The following CDC42BPA variants were observed in gnomAD, a reference collection of about 807,000 sequenced individuals.
The protein encoded by CDC42BPA is CDC42 binding protein kinase alpha, also known as serine/threonine-protein kinase MRCK alpha.
In CDC42BPA, 80 loss-of-function variants were observed where a neutral mutation model predicts 223.5. The observed-to-expected ratio is 0.36, with a 90% CI of 0.30 to 0.43. The LOEUF is 0.43. CDC42BPA is among the 20% of genes least tolerant of loss of function. The pLI, the probability that CDC42BPA is intolerant of heterozygous loss-of-function variation, is 1.00. For missense variants in CDC42BPA, 1,743 were observed against 2,099.9 expected (o/e 0.83, Z 3.32); for synonymous variants, 694 against 718.6 (o/e 0.97, Z 0.55).
intron 11 of CDC42BPA, among the ~76,000 whole-genome samples, chr1:227,127,960 C>T (rs1179997356): frequency 2.0e-5 from 3 of 152,132 alleles, no homozygotes; most frequent in Non-Finnish European, 4.4e-5. Context: ...GCTCTCTCTC[C>T]CTATCCCTCT....
chr1:227,203,290 T>C (rs984328772), intron 3 of CDC42BPA, among the ~76,000 whole-genome samples: 3 of 152,164 alleles, frequency 2.0e-5, no homozygotes, highest in Non-Finnish European at 4.4e-5. Flanking sequence ...CTCAGTTGCT[T>C]GTCACAATTG....
intron 1 of CDC42BPA, among the ~76,000 whole-genome samples, chr1:227,316,546 C>T (rs1694427168): frequency 6.6e-6 from 1 of 152,202 alleles, no homozygotes; most frequent in Admixed American, 6.5e-5. Context: ...CCACTGATCA[C>T]CACCTTCAGC....
chr1:227,089,627 GTT>G (rs72110440), intron 16 of CDC42BPA, among the ~76,000 whole-genome samples: 21,718 of 116,378 alleles, frequency 0.19, 1,805 homozygotes, highest in Middle Eastern at 0.28. Context: ...GGGTAATTCC[GTT>G]TTTTTTTTTT....
chr1:227,293,055 T>C (rs1020146114), intron 1 of CDC42BPA, among the ~76,000 whole-genome samples: 1 of 152,198 alleles, frequency 6.6e-6, no homozygotes, highest in Non-Finnish European at 1.5e-5. Context: ...GAGATTTAAC[T>C]GTATCAAAAC....
intron 1 of CDC42BPA, among the ~76,000 whole-genome samples, chr1:227,264,272 T>C (rs932031904): frequency 1.3e-5 from 2 of 152,196 alleles, no homozygotes; most frequent in African/African-American, 4.8e-5. Flanking sequence ...TAGAAAGCAA[T>C]TCCAAACATA....
At chr1:227,295,465 T>TAA (rs74308426) in intron 1 of CDC42BPA, among the ~76,000 whole-genome samples, 6 of 151,680 alleles carry the variant, frequency 4.0e-5, no homozygotes, top group Non-Finnish European at 5.9e-5. Flanking sequence ...AGCATGAAAT[T>TAA]AAAAAAAATT....
At chr1:227,125,620 AAAG>A (rs1294406025) in intron 11 of CDC42BPA, among the ~76,000 whole-genome samples, 2 of 151,090 alleles carry the variant, frequency 1.3e-5, no homozygotes, top group Non-Finnish European at 3.0e-5. Flanking sequence ...AAAAAAAAAA[AAAG>A]AGTGATGTCA....
chr1:227,030,942 A>C (rs1218839727), intron 28 of CDC42BPA, among the ~76,000 whole-genome samples: 2 of 152,156 alleles, frequency 1.3e-5, no homozygotes, highest in Non-Finnish European at 2.9e-5. Context: ...ATTCCATCTT[A>C]TTTAAACTTC....
chr1:227,050,935 T>G (rs929834280), intron 22 of CDC42BPA, among the ~76,000 whole-genome samples: 2 of 152,214 alleles, frequency 1.3e-5, no homozygotes, highest in Non-Finnish European at 2.9e-5. Flanking sequence ...CTGTGGGTGA[T>G]ATTTACATGG....
At chr1:227,131,634 G>T (rs1055744921) in intron 10 of CDC42BPA, among the ~76,000 whole-genome samples, 13 of 152,166 alleles carry the variant, frequency 8.5e-5, no homozygotes, top group African/African-American at 3.1e-4. Flanking sequence ...GATGATATAT[G>T]AAGAACTGAA....
chr1:226,994,363 T>C lies in CDC42BPA; in HGVS notation c.5170A>G (p.Ser1724Gly). 1 of 1,589,258 alleles carries C rather than the reference T, an allele frequency of 6.3e-7. No individual in the cohort carries two copies. Among genetic ancestry groups the C allele is most frequent in the Non-Finnish European group, 8.6e-7 (1 of 1,166,176 alleles). Residue 1724 changes from serine (S) to glycine (G), a missense_variant, in exon 37 of 37, where the codon AGT becomes GGT. Around this residue, in one of 6 missense-constraint regions of CDC42BPA, gnomAD observed 200 missense variants for 192.8 expected, o/e 1.04. Transcript: ENST00000366766. The surrounding 1 kb of genome is among the most constrained non-coding windows in gnomAD (Gnocchi z 4.0). ...CTTGGGGGGCTGCTTAGGTTGGAAC[T>C]GTTGGAAGCTGTGGAATGCCTCGGA... ...DSPRHSTASN[S>G]SNLSSPPSPA...
intron 20 of CDC42BPA, among the ~76,000 whole-genome samples, chr1:227,071,931 G>GA (rs746812127): frequency 2.6e-5 from 4 of 151,154 alleles, no homozygotes; most frequent in South Asian, 2.1e-4. Flanking sequence ...CCACTGCACT[G>GA]AAAAAAAACG....
chr1:227,278,963 A>G (rs532385279), intron 1 of CDC42BPA, among the ~76,000 whole-genome samples: 11 of 152,040 alleles, frequency 7.2e-5, no homozygotes, highest in Admixed American at 7.2e-4. Context: ...CTTAAAACCA[A>G]TAACATCACC....
chr1:227,301,362 A>ATTT lies in CDC42BPA; in HGVS notation c.178+15640_178+15642dup, dbSNP rs368829941. Reference sequence around the variant, plus strand: ...TGAAGTAGGAGTAAAGGATGTAGACATTTTTTTTTTTTTTTTGAGACGAAG... The same window carrying ATTT: ...TGAAGTAGGAGTAAAGGATGTAGACATTTTTTTTTTTTTTTTTTTGAGACGAAG... On this transcript the variant is annotated intron_variant, in intron 1 of 36. Transcript: ENST00000366766. Among the ~76,000 whole-genome samples, 726 of 109,986 alleles carry ATTT rather than the reference A, an allele frequency of 6.6e-3. 4 individuals are homozygous for ATTT. Among genetic ancestry groups the ATTT allele is most frequent in the African/African-American group, 0.013 (443 of 33,362 alleles). The allele number at this position is 109,986 out of a possible 152,430, so 72.2% of individuals were successfully genotyped here.
intron 16 of CDC42BPA, among the ~76,000 whole-genome samples, chr1:227,082,272 C>T (rs1159848281): frequency 6.6e-6 from 1 of 152,032 alleles, no homozygotes; most frequent in Non-Finnish European, 1.5e-5. Context: ...TCTCAAGATT[C>T]CTGGGCTCAA....
At chr1:227,078,985 C>A (rs1429066126) in intron 17 of CDC42BPA, among the ~76,000 whole-genome samples, 1 of 151,952 alleles carries the variant, frequency 6.6e-6, no homozygotes, top group Non-Finnish European at 1.5e-5. Flanking sequence ...ACTTCCGGTC[C>A]CAAGCATTTT....
At chr1:227,121,015 A>G (rs755381966) in intron 11 of CDC42BPA, among the ~76,000 whole-genome samples, 15 of 152,194 alleles carry the variant, frequency 9.9e-5, no homozygotes, top group Non-Finnish European at 2.1e-4. Flanking sequence ...ATCTAATGCC[A>G]CCGCTGATCT....
chr1:227,105,903 C>G lies in CDC42BPA; in HGVS notation c.2002-4664G>C, dbSNP rs80135161. ...TACTGCAATAATACTTCAATAAACA[C>G]TTGTGTAAAGCATCTATTAGAGTTC... On this transcript the variant is annotated intron_variant, in intron 14 of 36. Transcript: ENST00000366766. 2.2e-3 allele frequency among the ~76,000 whole-genome samples: 330 copies of G among 152,218 alleles called. 9 individuals are homozygous for G. In the East Asian group the frequency reaches 0.045, roughly 21 times the overall value.
rs1309878874 is a variant in CDC42BPA at position 227,130,957 on chromosome 1, G to C, written c.1391-1726C>G. 3.3e-5 allele frequency among the ~76,000 whole-genome samples: 5 copies of C among 152,124 alleles called. 1 individual carries two copies. Among genetic ancestry groups the C allele is most frequent in the Admixed American group, 3.3e-4 (5 of 15,282 alleles). On this transcript the variant is annotated intron_variant, in intron 10 of 36. Coordinates refer to ENST00000366766, the MANE Select transcript of CDC42BPA (RefSeq NM_001394014.1). ...CTACCACAGGTATGAAGGTGGGGCA[G>C]GCATCCTCGCTCATTATTGCCACCT... is the stretch of plus-strand genomic sequence containing the variant.
Sources: allele counts gnomAD v4.1 joint callset (sites outside exome capture counted in the v4.1 genomes callset), GRCh38; gene constraint gnomAD v4.1.1; regional missense constraint gnomAD v4.1.1; non-coding constraint Gnocchi (gnomAD v3.1); transcripts MANE v1.5; gene names NCBI Gene and HGNC (gene_info 2026-07-23, HGNC 2026-07-21).